Variants in HEMK2 observed in about 807,000 individuals in gnomAD.
HEMK2 encodes the protein methyltransferase HEMK2.
chr21:28,859,074 T>C, the HEMK2 span, among the ~76,000 whole-genome samples: 1 of 152,186 alleles, frequency 6.6e-6, no homozygotes, highest in Non-Finnish European at 1.5e-5. Flanking sequence ...TTTGTTCATA[T>C]TTCCCTTTGT....
the HEMK2 span, among the ~76,000 whole-genome samples, chr21:28,821,286 C>T: frequency 6.6e-6 from 1 of 152,176 alleles, no homozygotes; most frequent in African/African-American, 2.4e-5. Context: ...AGGCTGTGGG[C>T]TCCAGAATCG....
the HEMK2 span, among the ~76,000 whole-genome samples, chr21:28,853,521 C>T: frequency 6.6e-6 from 1 of 151,960 alleles, no homozygotes; most frequent in Non-Finnish European, 1.5e-5. Flanking sequence ...AGCACACCCC[C>T]TCATGGGTCA....
At chr21:28,682,948 A>G in the HEMK2 span, among the ~76,000 whole-genome samples, 1 of 152,204 alleles carries the variant, frequency 6.6e-6, no homozygotes, top group Non-Finnish European at 1.5e-5. Flanking sequence ...CTAATGTTAA[A>G]TGACAAGTTA....
chr21:28,868,724 C>T, the HEMK2 span, among the ~76,000 whole-genome samples: 3 of 152,126 alleles, frequency 2.0e-5, no homozygotes, highest in African/African-American at 7.2e-5. Flanking sequence ...CATGTTAGTC[C>T]TGTACACGTT....
the HEMK2 span, among the ~76,000 whole-genome samples, chr21:28,738,692 AAAC>A: frequency 2.0e-5 from 3 of 152,224 alleles, no homozygotes; most frequent in Admixed American, 1.3e-4. Flanking sequence ...CTGAACTCCG[AAAC>A]AACAGAGCTT....
At chr21:28,588,753 G>A in the HEMK2 span, among the ~76,000 whole-genome samples, 11 of 152,152 alleles carry the variant, frequency 7.2e-5, no homozygotes, top group East Asian at 1.4e-3. Flanking sequence ...GTCGGATCAC[G>A]AGGTCGGATC....
chr21:28,760,646 G>A, the HEMK2 span, among the ~76,000 whole-genome samples: 205 of 152,094 alleles, frequency 1.3e-3, 1 homozygote, highest in Admixed American at 9.7e-3. Flanking sequence ...AACACTTTCC[G>A]TATCATTCTT....
the HEMK2 span, among the ~76,000 whole-genome samples, chr21:28,707,187 AAAC>A: frequency 4.6e-5 from 7 of 152,316 alleles, no homozygotes; most frequent in African/African-American, 1.7e-4. Context: ...AGGTTAGCAC[AAAC>A]AACATCTTAA....
At chr21:28,790,633 A>G in the HEMK2 span, among the ~76,000 whole-genome samples, 3 of 152,280 alleles carry the variant, frequency 2.0e-5, no homozygotes, top group African/African-American at 7.2e-5. Flanking sequence ...ATAGTCACTG[A>G]ATGAATAAAT....
chr21:28,831,343 G>C, the HEMK2 span, among the ~76,000 whole-genome samples: 1 of 150,794 alleles, frequency 6.6e-6, no homozygotes, highest in Non-Finnish European at 1.5e-5. Context: ...CTACTCAGGA[G>C]GCTGAGGCAG....
the HEMK2 span, among the ~76,000 whole-genome samples, chr21:28,576,105 G>A: frequency 3.3e-5 from 5 of 152,152 alleles, no homozygotes; most frequent in Non-Finnish European, 7.4e-5. Flanking sequence ...ATATAAGTAC[G>A]TAGGAAAAGA....
At chr21:28,723,728 A>G in the HEMK2 span, among the ~76,000 whole-genome samples, 1 of 152,214 alleles carries the variant, frequency 6.6e-6, no homozygotes, top group African/African-American at 2.4e-5. Flanking sequence ...GAGTGAGATC[A>G]TCTTTGTAAA....
chr21:28,780,195 T>TG, the HEMK2 span, among the ~76,000 whole-genome samples: 1 of 152,006 alleles, frequency 6.6e-6, no homozygotes, highest in African/African-American at 2.4e-5. Context: ...TTTTTTTTTT[T>TG]GAAATGGAGT....
At chr21:28,844,665 T>C in the HEMK2 span, among the ~76,000 whole-genome samples, 1 of 152,058 alleles carries the variant, frequency 6.6e-6, no homozygotes, top group African/African-American at 2.4e-5. Context: ...TAACACCTCA[T>C]ATTTTTCCCA....
the HEMK2 span, among the ~76,000 whole-genome samples, chr21:28,730,397 C>G: frequency 5.7e-3 from 339 of 59,090 alleles, 2 homozygotes; most frequent in African/African-American, 0.071. Context: ...CACACACACA[C>G]ACACACACAC....
chr21:28,720,601 C>T, the HEMK2 span, among the ~76,000 whole-genome samples: 835 of 152,218 alleles, frequency 5.5e-3, 27 homozygotes, highest in Admixed American at 0.05. Context: ...GGCATGGTGG[C>T]GGGCGCCTGT....
At chr21:28,649,883 A>G in the HEMK2 span, among the ~76,000 whole-genome samples, 1 of 152,272 alleles carries the variant, frequency 6.6e-6, no homozygotes, top group East Asian at 1.9e-4. Flanking sequence ...ACTTTTTTTA[A>G]AATAACAAAA....
chr21:28,713,428 G>A, the HEMK2 span, among the ~76,000 whole-genome samples: 58 of 152,194 alleles, frequency 3.8e-4, no homozygotes, highest in Non-Finnish European at 6.3e-4. Context: ...CACCTATTCC[G>A]CGTTGACTCT....
chr21:28,639,792 A>G, the HEMK2 span, among the ~76,000 whole-genome samples: 3 of 152,228 alleles, frequency 2.0e-5, no homozygotes, highest in South Asian at 6.2e-4. Flanking sequence ...GATTAAGAAA[A>G]TCTGGTTTAC....
Sources: allele counts gnomAD v4.1 joint callset (sites outside exome capture counted in the v4.1 genomes callset), GRCh38; gene constraint gnomAD v4.1.1; transcripts MANE v1.5; gene names NCBI Gene and HGNC (gene_info 2026-07-23, HGNC 2026-07-21).